The following ZFP37 variants were observed in gnomAD, a reference collection of about 807,000 sequenced individuals.
The protein encoded by ZFP37 is ZFP37 zinc finger protein.
ZFP37 carries 38 observed loss-of-function variants against 52.1 expected under a neutral mutation model. The ratio of observed to expected loss-of-function variants is 0.73; its 90% CI spans 0.56 to 0.96. ZFP37 has a LOEUF of 0.96. Among genes scored for constraint, ZFP37 ranks in the 40% least tolerant of loss-of-function variants. The probability of loss-of-function intolerance (pLI) is 0.00; values close to 1 mark genes in which losing one functional copy is unlikely to be tolerated. For missense variants in ZFP37, 695 were observed against 741.4 expected (o/e 0.94, Z 0.73); for synonymous variants, 253 against 259.5 (o/e 0.98, Z 0.24).
At chr9:113,056,018 T>C (rs1471294363) in intron 1 of ZFP37, among the ~76,000 whole-genome samples, 1 of 127,828 alleles carries the variant, frequency 7.8e-6, no homozygotes, top group African/African-American at 3.0e-5. Context: ...TATTCCCCCC[T>C]CACTGGCCCC....
In ZFP37 at chr9:113,044,043, T is replaced by A. The variant is rs746217394; in HGVS notation, c.575A>T (p.Asp192Val). 6.2e-7 allele frequency: 1 copy of A among 1,612,166 alleles called. No homozygotes were observed. Among genetic ancestry groups the A allele is most frequent in the South Asian group, 1.1e-5 (1 of 90,334 alleles). ...KILKQNLDLPDHSRNCVKRKS... is the reference protein window; with the variant it reads ...KILKQNLDLPVHSRNCVKRKS... The stretch of plus-strand genomic sequence containing the variant: ...CCTTTTTACACAGTTTCTTGAGTGA[T>A]CAGGTAAATCTAAATTCTGTTTCAA... The change falls in exon 4 of 4, where the codon GAT becomes GTT. Residue 192 changes from aspartate to valine, a missense_variant. Asp to Val is a radical substitution (Grantham distance 152). Coordinates refer to ENST00000374227, the MANE Select transcript of ZFP37 (RefSeq NM_003408.3).
chr9:113,048,342 G>C (rs1257153299), intron 3 of ZFP37, among the ~76,000 whole-genome samples: 2 of 152,138 alleles, frequency 1.3e-5, no homozygotes, highest in Non-Finnish European at 2.9e-5. Flanking sequence ...CAAGACATTT[G>C]CAAAGAGGGC....
At position 113,039,884 on chromosome 9, in the gene ZFP37, G is replaced by C. The variant is rs1378251290; in HGVS notation, c.*2841C>G. 6.6e-6 allele frequency: 1 copy of C among 152,030 alleles called. No individual in the cohort carries two copies. The highest frequency in any genetic ancestry group is 2.4e-5 in the African/African-American group (1 of 41,378). The allele number at this position is 152,030 out of a possible 1,614,324, so 9.4% of individuals were successfully genotyped here. A position where few individuals can be genotyped will look rare whatever the true frequency, so the allele number is the denominator to read the frequency against. On this transcript the variant is annotated 3_prime_UTR_variant, in exon 4 of 4. Transcript: ENST00000374227. ...TGATTTAGATTAGTGGTTCTCAAAG[G>C]GTGGTCCCCAGACCAGCAGCACAGG...
Position 113,044,236 on chromosome 9 carries a change from T to A in ZFP37, c.382A>T (p.Ile128Phe). 1 of 1,573,710 alleles carries A rather than the reference T, an allele frequency of 6.4e-7. No homozygotes were observed. The highest frequency in any genetic ancestry group is 8.6e-7 in the Non-Finnish European group (1 of 1,167,378). Residue 128 changes from isoleucine (I) to phenylalanine (F), a missense_variant, in exon 4 of 4, where the codon ATC becomes TTC. By Grantham distance (21) the Ile-to-Phe change is conservative. Transcript: ENST00000374227. The part of the protein sequence containing the change: ...VQKDDDQLEN[I>F]QKSQNKLLRE... ...AGGAGTTTGTTTTGAGATTTCTGGA[T>A]ATTTTCAAGCTGGTCATCATCTTTC...
intron 1 of ZFP37, among the ~76,000 whole-genome samples, chr9:113,051,004 G>T (rs1355315306): frequency 1.3e-5 from 2 of 152,118 alleles, no homozygotes; most frequent in African/African-American, 4.8e-5. Flanking sequence ...GAAAGTTGGG[G>T]AGAAATAGAG....
chr9:113,041,273 G>C lies in ZFP37; in HGVS notation c.*1452C>G, dbSNP rs1259200872. ...ATGGCTCAAGAGTAAAAAAAATCCAGGTGTGCAATGGCAAATAGGTCTCCT... is the reference window on the plus strand; with the variant it reads ...ATGGCTCAAGAGTAAAAAAAATCCACGTGTGCAATGGCAAATAGGTCTCCT... On this transcript the variant is annotated 3_prime_UTR_variant, in exon 4 of 4. Transcript: ENST00000374227. 1 of 152,112 alleles carries C rather than the reference G, an allele frequency of 6.6e-6. No individual in the cohort carries two copies. The highest frequency in any genetic ancestry group is 1.5e-5 in the Non-Finnish European group (1 of 68,022). 9.4% of individuals were successfully genotyped at this position (152,112 alleles called of 1,614,324 possible).
In ZFP37 at chr9:113,039,616, T is replaced by C. The variant is rs1483032666; in HGVS notation, c.*3109A>G. On this transcript the variant is annotated 3_prime_UTR_variant, in exon 4 of 4. Coordinates refer to ENST00000374227, the MANE Select transcript of ZFP37 (RefSeq NM_003408.3). The stretch of plus-strand genomic sequence containing the variant: ...TGATCTGTTATACTTTATATTGTAG[T>C]TGTTTATTTATTACCTATGTCCTCC... The C allele has an allele frequency of 1.3e-5, 2 of 152,144 alleles. No homozygotes were observed. The highest frequency in any genetic ancestry group is 2.9e-5 in the Non-Finnish European group (2 of 68,030). 9.4% of individuals were successfully genotyped at this position (152,144 alleles called of 1,614,324 possible). A position where few individuals can be genotyped will look rare whatever the true frequency, so the allele number is the denominator to read the frequency against.
intron 1 of ZFP37, 74 bp downstream of exon 1, chr9:113,056,483 G>GACT: frequency 6.3e-7 from 1 of 1,582,278 alleles, no homozygotes; most frequent in Non-Finnish European, 8.6e-7. Flanking sequence ...TATCGTCACA[G>GACT]ACTACTCCAA....
At chr9:113,055,124 T>C (rs1829118195) in intron 1 of ZFP37, among the ~76,000 whole-genome samples, 1 of 152,224 alleles carries the variant, frequency 6.6e-6, no homozygotes, top group Middle Eastern at 3.2e-3. Context: ...ATCTTCCTTC[T>C]CTTTTTTAAG....
At chr9:113,048,777 T>C (rs1829002815) in intron 3 of ZFP37, among the ~76,000 whole-genome samples, 1 of 152,184 alleles carries the variant, frequency 6.6e-6, no homozygotes, top group African/African-American at 2.4e-5. Flanking sequence ...GATTATACGT[T>C]CCTACCATGT....
At chr9:113,056,473 T>C (rs976967389) in intron 1 of ZFP37, 84 bp downstream of exon 1, 2 of 1,558,294 alleles carry the variant, frequency 1.3e-6, no homozygotes, top group Non-Finnish European at 1.7e-6. Context: ...CCAAATCACC[T>C]ATCGTCACAG....
At position 113,042,715 on chromosome 9, in the gene ZFP37, C is replaced by G; in HGVS notation, c.*10G>C. 1.3e-6 allele frequency: 2 copies of G among 1,529,520 alleles called. No individual in the cohort carries two copies. The highest frequency in any genetic ancestry group is 1.3e-5 in the South Asian group (1 of 76,258). The allele number at this position is 1,529,520 out of a possible 1,614,324, so 94.7% of individuals were successfully genotyped here. A position where few individuals can be genotyped will look rare whatever the true frequency, so the allele number is the denominator to read the frequency against. On this transcript the variant is annotated 3_prime_UTR_variant, in exon 4 of 4. Transcript: ENST00000374227. ...CCTTAAATTTAGTTAACAAATTTCC[C>G]ACATTAACTTCACTCATGAGATTTA...
intron 3 of ZFP37, among the ~76,000 whole-genome samples, chr9:113,045,265 C>T (rs1419290245): frequency 6.6e-6 from 1 of 152,078 alleles, no homozygotes; most frequent in African/African-American, 2.4e-5. Context: ...ATATCTTTTC[C>T]TTTCTATTGC....
intron 1 of ZFP37, among the ~76,000 whole-genome samples, chr9:113,050,426 G>A (rs1282985873): frequency 1.4e-5 from 2 of 142,286 alleles, no homozygotes; most frequent in Non-Finnish European, 3.0e-5. Context: ...ATTTATTCAA[G>A]AGGATAGAAT....
Position 113,056,578 on chromosome 9 carries a change from G to C in ZFP37, c.111C>G (p.Ser37=), listed in dbSNP as rs139455220. ...EAGRPLEMAV[S]EPEASAAEWK... is the part of the protein sequence containing the mutation. ...TCACCGCGGCGCTGGCCTCGGGCTC[G>C]GACACAGCCATCTCCAGTGGTCGCC... The change falls in exon 1 of 4, where the codon TCC becomes TCG. Residue 37 remains serine, a synonymous_variant. Transcript: ENST00000374227. 494 of 1,613,662 alleles carry C rather than the reference G, an allele frequency of 3.1e-4. 4 individuals are homozygous for C. Among genetic ancestry groups the C allele is most frequent in the Middle Eastern group, 1.6e-4 (1 of 6,084 alleles).
rs1215987921 is a variant in ZFP37 at position 113,052,876 on chromosome 9, CCTGT to C, written c.133-3008_133-3005del. ...AGCAAAAAGCAGACCTTGCAGCAGG[CCTGT>C]CTAAGGATAGCAGTTTTTCACTTCT... On this transcript the variant is annotated intron_variant, in intron 1 of 3. Transcript: ENST00000374227. The surrounding 1 kb of genome is among the most constrained non-coding windows in gnomAD (Gnocchi z 4.1). Among the ~76,000 whole-genome samples the C allele has an allele frequency of 6.6e-6, 1 of 152,204 alleles. No individual in the cohort carries two copies. Among genetic ancestry groups the C allele is most frequent in the Non-Finnish European group, 1.5e-5 (1 of 68,032 alleles).
Position 113,043,365 on chromosome 9 carries a change from G to T in ZFP37, c.1253C>A (p.Ser418Ter), listed in dbSNP as rs778519174. 1 of 1,614,000 alleles carries T rather than the reference G, an allele frequency of 6.2e-7. No homozygotes were observed. Among genetic ancestry groups the T allele is most frequent in the Non-Finnish European group, 8.5e-7 (1 of 1,179,996 alleles). ...TGTTCTCACATGTTCGGTAAGAGAT[G>T]AGTTATACCTAAAAGACTTCCCACA... ...KECGKSFRYN[S>*]SLTEHVRTHT... Residue 418 changes from serine (S) to a stop codon, truncating the protein, a stop_gained, in exon 4 of 4, where the codon TCA becomes TAA. Coordinates refer to ENST00000374227, the MANE Select transcript of ZFP37 (RefSeq NM_003408.3). LOFTEE classifies it high-confidence loss of function.
intron 1 of ZFP37, among the ~76,000 whole-genome samples, chr9:113,050,214 A>G (rs1477387372): frequency 6.6e-6 from 1 of 151,962 alleles, no homozygotes; most frequent in Non-Finnish European, 1.5e-5. Context: ...GCAAAACTCC[A>G]TCTCTACAAG....
At chr9:113,049,046 C>A (rs913698966) in intron 3 of ZFP37, among the ~76,000 whole-genome samples, 19 of 152,130 alleles carry the variant, frequency 1.2e-4, no homozygotes, top group African/African-American at 4.1e-4. Flanking sequence ...ACTAAAATTT[C>A]AGGGGCTCAT....
Sources: allele counts gnomAD v4.1 joint callset (sites outside exome capture counted in the v4.1 genomes callset), GRCh38; gene constraint gnomAD v4.1.1; non-coding constraint Gnocchi (gnomAD v3.1); transcripts MANE v1.5; gene names NCBI Gene and HGNC (gene_info 2026-07-23, HGNC 2026-07-21).